Variants in DYRK1A observed in about 807,000 individuals in gnomAD.
The protein encoded by DYRK1A is dual specificity tyrosine-phosphorylation-regulated kinase 1A.
Under a neutral mutation model 79.7 loss-of-function variants are expected in DYRK1A, and 9 were observed. The observed-to-expected ratio is 0.11, with a 90% confidence interval of 0.07 to 0.20. DYRK1A has a LOEUF of 0.20. DYRK1A is among the 10% of genes least tolerant of loss of function. DYRK1A has a pLI of 1.00. For missense variants in DYRK1A, 622 were observed against 956.0 expected (o/e 0.65, Z 4.61); for synonymous variants, 349 against 329.7 (o/e 1.06, Z -0.63).
chr21:37,380,751 T>C (rs766837618), intron 1 of DYRK1A, among the ~76,000 whole-genome samples: 1 of 152,040 alleles, frequency 6.6e-6, no homozygotes, highest in Non-Finnish European at 1.5e-5. Context: ...ACACAATTAT[T>C]TGATGATTTA....
chr21:37,482,074 A>T (rs1050610862), intron 5 of DYRK1A, among the ~76,000 whole-genome samples: 11 of 152,288 alleles, frequency 7.2e-5, no homozygotes, highest in African/African-American at 2.6e-4. Flanking sequence ...AATCAAAATG[A>T]CTTTTCCTAA....
In DYRK1A at chr21:37,399,419, G is replaced by A. The variant is rs189292433; in HGVS notation, c.-76-20880G>A. ...GGTGGAGGATGCAGGCAGGGAAAGAGTGCGGGAACCATTCCTGCAGAGTTT... is the reference window on the plus strand; with the variant it reads ...GGTGGAGGATGCAGGCAGGGAAAGAATGCGGGAACCATTCCTGCAGAGTTT... On this transcript the variant is annotated intron_variant, in intron 1 of 11. Coordinates refer to ENST00000647188, the MANE Select transcript of DYRK1A (RefSeq NM_001347721.2). Among the ~76,000 whole-genome samples the A allele has an allele frequency of 2.1e-3, 324 of 152,284 alleles. 1 individual carries two copies. The highest frequency in any genetic ancestry group is 4.0e-3 in the Non-Finnish European group (273 of 68,026).
intron 1 of DYRK1A, among the ~76,000 whole-genome samples, chr21:37,373,467 A>T (rs1212241605): frequency 6.6e-6 from 1 of 152,198 alleles, no homozygotes; most frequent in Non-Finnish European, 1.5e-5. Flanking sequence ...TTTCTGACTA[A>T]ATACAGTGGC....
chr21:37,427,088 A>C (rs374869957), intron 2 of DYRK1A, among the ~76,000 whole-genome samples: 1 of 152,140 alleles, frequency 6.6e-6, no homozygotes, highest in African/African-American at 2.4e-5. Context: ...TAACAATATA[A>C]CTCAAGAAAA....
intron 2 of DYRK1A, among the ~76,000 whole-genome samples, chr21:37,420,630 T>G (rs867575942): frequency 1.2e-4 from 19 of 152,246 alleles, no homozygotes; most frequent in African/African-American, 4.6e-4. Context: ...TTTCAAGAGC[T>G]AATATTTTGG....
Position 37,525,088 on chromosome 21 carries a change from G to A in DYRK1A, c.*12557G>A, listed in dbSNP as rs2053959432. On this transcript the variant is annotated 3_prime_UTR_variant, in exon 12 of 12. Coordinates refer to ENST00000647188, the MANE Select transcript of DYRK1A (RefSeq NM_001347721.2). Reference sequence around the variant, plus strand: ...TACTCCAGCCTGGATGACAGAGTGAGAACATTGTCTCAAAACAAAAAGTTG... The same window carrying A: ...TACTCCAGCCTGGATGACAGAGTGAAAACATTGTCTCAAAACAAAAAGTTG... The A allele has an allele frequency of 6.6e-6, 1 of 152,210 alleles. No individual in the cohort carries two copies. Among genetic ancestry groups the A allele is most frequent in the Admixed American group, 6.5e-5 (1 of 15,282 alleles). The allele number at this position is 152,210 out of a possible 1,614,324, so 9.4% of individuals were successfully genotyped here. A position where few individuals can be genotyped will look rare whatever the true frequency, so the allele number is the denominator to read the frequency against.
intron 3 of DYRK1A, among the ~76,000 whole-genome samples, chr21:37,473,165 T>C (rs903110342): frequency 6.6e-6 from 1 of 152,212 alleles, no homozygotes; most frequent in African/African-American, 2.4e-5. Context: ...AGAAAAAGCT[T>C]ATTTTTATGG....
Position 37,516,256 on chromosome 21 carries a change from T to G in DYRK1A, c.*3725T>G, listed in dbSNP as rs2053879553. On this transcript the variant is annotated 3_prime_UTR_variant, in exon 12 of 12. Coordinates refer to ENST00000647188, the MANE Select transcript of DYRK1A (RefSeq NM_001347721.2). ...TCTTACTGCTATATATGAAGGAAGT[T>G]TGAAAATGTAATGGGGACAAAAGCC... 1 of 152,148 alleles carries G rather than the reference T, an allele frequency of 6.6e-6. No homozygotes were observed. Among genetic ancestry groups the G allele is most frequent in the African/African-American group, 2.4e-5 (1 of 41,434 alleles). 9.4% of individuals were successfully genotyped at this position (152,148 alleles called of 1,614,324 possible).
chr21:37,392,330 A>C (rs775268197), intron 1 of DYRK1A, among the ~76,000 whole-genome samples: 3 of 152,208 alleles, frequency 2.0e-5, no homozygotes, highest in Non-Finnish European at 4.4e-5. Context: ...GAATAGCTCC[A>C]TCTTTTGTTC....
intron 1 of DYRK1A, among the ~76,000 whole-genome samples, chr21:37,382,360 T>C (rs2049674926): frequency 6.6e-6 from 1 of 152,094 alleles, no homozygotes; most frequent in Non-Finnish European, 1.5e-5. Flanking sequence ...TGCCTAGCAG[T>C]TGAAGCTTTC....
At chr21:37,409,347 G>A (rs2050203168) in intron 1 of DYRK1A, among the ~76,000 whole-genome samples, 1 of 152,144 alleles carries the variant, frequency 6.6e-6, no homozygotes, top group Non-Finnish European at 1.5e-5. Flanking sequence ...TTCACCTGGG[G>A]CAGGCTGGCT....
At chr21:37,413,856 C>A (rs1020011626) in intron 1 of DYRK1A, among the ~76,000 whole-genome samples, 1 of 152,110 alleles carries the variant, frequency 6.6e-6, no homozygotes, top group Non-Finnish European at 1.5e-5. Context: ...CTTCATGGCT[C>A]TTGGTGTTTT....
At chr21:37,381,183 T>C (rs2049651318) in intron 1 of DYRK1A, among the ~76,000 whole-genome samples, 1 of 152,196 alleles carries the variant, frequency 6.6e-6, no homozygotes, top group Non-Finnish European at 1.5e-5. Context: ...CTTTGGTCTT[T>C]ACTAGTTGGT....
At chr21:37,506,842 A>C (rs2148653264) in intron 11 of DYRK1A, among the ~76,000 whole-genome samples, 1 of 152,334 alleles carries the variant, frequency 6.6e-6, no homozygotes, top group South Asian at 2.1e-4. Context: ...GTGAGAGGCC[A>C]GTGTAGTATT....
At position 37,498,571 on chromosome 21, in the gene DYRK1A, A is replaced by G. The variant is rs578141315; in HGVS notation, c.1212+2313A>G. 3.3e-5 allele frequency among the ~76,000 whole-genome samples: 5 copies of G among 152,304 alleles called. No homozygotes were observed. In the South Asian group the frequency reaches 1.0e-3, roughly 32 times the overall value. On this transcript the variant is annotated intron_variant, in intron 9 of 11. Transcript: ENST00000647188. ...CTTCAACATATTTCATTGAATGAAC[A>G]TGCCATAATTTATATTCACCTGTCA...
intron 2 of DYRK1A, among the ~76,000 whole-genome samples, chr21:37,456,530 G>A (rs1261477104): frequency 6.6e-6 from 1 of 152,196 alleles, no homozygotes; most frequent in Non-Finnish European, 1.5e-5. Context: ...GCAGGGTGCT[G>A]TTTCCTAACC....
intron 5 of DYRK1A, among the ~76,000 whole-genome samples, chr21:37,484,225 C>T (rs1038315698): frequency 2.0e-5 from 3 of 152,140 alleles, no homozygotes; most frequent in Non-Finnish European, 4.4e-5. Flanking sequence ...CTCACCCCTA[C>T]CTACCCTGGC....
intron 11 of DYRK1A, among the ~76,000 whole-genome samples, chr21:37,511,046 A>G (rs1363494936): frequency 6.6e-6 from 1 of 152,086 alleles, no homozygotes; most frequent in Non-Finnish European, 1.5e-5. Flanking sequence ...AAGAAATAAC[A>G]TTTCTAGGCA....
rs76527453 is a variant in DYRK1A at position 37,495,810 on chromosome 21, T to A, written c.1072-308T>A. Among the ~76,000 whole-genome samples, 5,808 of 152,090 alleles carry A rather than the reference T, an allele frequency of 0.038. 181 individuals are homozygous for A. Among genetic ancestry groups the A allele is most frequent in the Non-Finnish European group, 0.055 (3,730 of 67,980 alleles). On this transcript the variant is annotated intron_variant, in intron 8 of 11. Transcript: ENST00000647188. ...CTCAAAAATAAGTAAATAAAAAAAATTTTTTTAATAAAATTCTCCCAAAAC... is the reference window on the plus strand; with the variant it reads ...CTCAAAAATAAGTAAATAAAAAAAAATTTTTTAATAAAATTCTCCCAAAAC...
Sources: allele counts gnomAD v4.1 joint callset (sites outside exome capture counted in the v4.1 genomes callset), GRCh38; gene constraint gnomAD v4.1.1; transcripts MANE v1.5; gene names NCBI Gene and HGNC (gene_info 2026-07-23, HGNC 2026-07-21).